The following ADORA1 variants were observed in gnomAD, a reference collection of about 807,000 sequenced individuals.
The protein encoded by ADORA1 is adenosine A1 receptor, also known as adenosine receptor A1.
ADORA1 carries 6 observed loss-of-function variants against 19.9 expected under a neutral mutation model. The observed-to-expected ratio is 0.30, with a 90% CI of 0.17 to 0.59. ADORA1 has a LOEUF of 0.59. ADORA1 is among the 20% of genes least tolerant of loss of function. ADORA1 has a pLI of 0.87. For synonymous variants in ADORA1, 194 were observed against 188.4 expected (o/e 1.03, Z -0.24); for missense variants, 302 against 439.2 (o/e 0.69, Z 2.79).
chr1:203,142,590 G>A (rs1403562087), intron 3 of ADORA1, among the ~76,000 whole-genome samples: 1 of 152,192 alleles, frequency 6.6e-6, no homozygotes, highest in Non-Finnish European at 1.5e-5. Context: ...GCACAGAGGG[G>A]TGAATGGGAT....
At chr1:203,154,528 G>A (rs781111283) in intron 3 of ADORA1, among the ~76,000 whole-genome samples, 9 of 152,162 alleles carry the variant, frequency 5.9e-5, no homozygotes, top group Non-Finnish European at 8.8e-5. Flanking sequence ...CGGTGATCCC[G>A]GAGCCCAGGG....
chr1:203,148,822 A>G (rs1242608360), intron 3 of ADORA1, among the ~76,000 whole-genome samples: 1 of 151,582 alleles, frequency 6.6e-6, no homozygotes, highest in East Asian at 1.9e-4. Flanking sequence ...GCTGCAGTGC[A>G]TGTCCTACCC....
At chr1:203,134,522 C>T (rs1258476266) in intron 3 of ADORA1, among the ~76,000 whole-genome samples, 3 of 152,186 alleles carry the variant, frequency 2.0e-5, no homozygotes, top group African/African-American at 7.2e-5. Context: ...CAGCTGGCAT[C>T]GGGTGGCTTC....
intron 3 of ADORA1, among the ~76,000 whole-genome samples, chr1:203,131,703 C>T (rs1009514253): frequency 6.6e-6 from 1 of 152,194 alleles, no homozygotes; most frequent in African/African-American, 2.4e-5. Context: ...TGGGGCCTCA[C>T]TTCTCAAGCA....
chr1:203,143,030 A>T (rs1654744556), intron 3 of ADORA1, among the ~76,000 whole-genome samples: 1 of 152,200 alleles, frequency 6.6e-6, no homozygotes, highest in African/African-American at 2.4e-5. Context: ...TGATGCAAAC[A>T]ACATTCAGAG....
rs1237225623 is a variant in ADORA1 at position 203,165,651 on chromosome 1, C to T, written c.732C>T (p.Ala244=). 1 of 1,610,046 alleles carries T rather than the reference C, an allele frequency of 6.2e-7. No homozygotes were observed. Among genetic ancestry groups the T allele is most frequent in the Non-Finnish European group, 8.5e-7 (1 of 1,176,992 alleles). Residue 244 remains alanine, a synonymous_variant, in exon 4 of 4, where the codon GCC becomes GCT. Transcript: ENST00000337894. The surrounding 1 kb of genome is among the most constrained non-coding windows in gnomAD (Gnocchi z 5.9). Reference sequence around the variant, plus strand: ...TGGCCCTCATCCTCTTCCTCTTTGCCCTCAGCTGGCTGCCTTTGCACATCC... The same window carrying T: ...TGGCCCTCATCCTCTTCCTCTTTGCTCTCAGCTGGCTGCCTTTGCACATCC... The part of the protein sequence containing the change: ...KSLALILFLF[A]LSWLPLHILN...
intron 3 of ADORA1, among the ~76,000 whole-genome samples, chr1:203,156,214 T>C (rs1328951214): frequency 2.0e-5 from 3 of 151,782 alleles, no homozygotes; most frequent in African/African-American, 7.3e-5. Context: ...GATAGATAGA[T>C]AGTTAGATAG....
chr1:203,152,466 C>T (rs549073555), intron 3 of ADORA1: 1 of 152,488 alleles, frequency 6.6e-6, no homozygotes, highest in East Asian at 1.9e-4. Flanking sequence ...CCATGGCGGA[C>T]CTTTCCACTT....
At chr1:203,135,438 C>A (rs1287594688) in intron 3 of ADORA1, among the ~76,000 whole-genome samples, 1 of 152,088 alleles carries the variant, frequency 6.6e-6, no homozygotes, top group Non-Finnish European at 1.5e-5. Flanking sequence ...GCAGGCAGAT[C>A]ATTTGAGGTC....
chr1:203,154,274 G>T (rs1376374976), intron 3 of ADORA1, among the ~76,000 whole-genome samples: 1 of 152,176 alleles, frequency 6.6e-6, no homozygotes, highest in Admixed American at 6.5e-5. Context: ...TGGCTCACTC[G>T]TACCTATACC....
rs1363600045 is a variant in ADORA1, at chr1:203,166,237, A to ACCTGGGCTGG, written c.*337_*338insCCTGGGCTGG. The ACCTGGGCTGG allele has an allele frequency of 6.0e-5, 14 of 233,308 alleles. No individual in the cohort carries two copies. The highest frequency in any genetic ancestry group is 3.1e-4 in the African/African-American group (14 of 44,484). The allele number at this position is 233,308 out of a possible 1,614,324, so 14.5% of individuals were successfully genotyped here. On this transcript the variant is annotated 3_prime_UTR_variant, in exon 4 of 4. Transcript: ENST00000337894. ...CAGGTCCTGGGGAGGCTGAGACTGCAGAGGAGCCACCTGGGCTGGGAGAAG... is the reference window on the plus strand; with the variant it reads ...CAGGTCCTGGGGAGGCTGAGACTGCACCTGGGCTGGGAGGAGCCACCTGGGCTGGGAGAAG...
At chr1:203,140,292 A>G (rs896333451) in intron 3 of ADORA1, among the ~76,000 whole-genome samples, 1 of 152,038 alleles carries the variant, frequency 6.6e-6, no homozygotes, top group African/African-American at 2.4e-5. Flanking sequence ...GGCTGTGGAG[A>G]TGGACAGAAC....
chr1:203,159,013 CATTGGGG>C (rs1655283494), intron 3 of ADORA1, among the ~76,000 whole-genome samples: 2 of 152,216 alleles, frequency 1.3e-5, no homozygotes, highest in African/African-American at 4.8e-5. Context: ...AACATTGTTG[CATTGGGG>C]ATTAAGTTTC....
intron 3 of ADORA1, among the ~76,000 whole-genome samples, chr1:203,131,954 G>C (rs1270697994): frequency 6.6e-6 from 1 of 152,202 alleles, no homozygotes; most frequent in Admixed American, 6.5e-5. Context: ...CTGGTGAGGC[G>C]TGTCTGGGGC....
intron 3 of ADORA1, among the ~76,000 whole-genome samples, chr1:203,138,854 T>C (rs968793219): frequency 4.6e-5 from 7 of 152,214 alleles, no homozygotes; most frequent in Non-Finnish European, 1.0e-4. Flanking sequence ...AGTCTCACTC[T>C]GTCACCCAGG....
At chr1:203,159,137 C>T (rs1655286632) in intron 3 of ADORA1, among the ~76,000 whole-genome samples, 1 of 152,220 alleles carries the variant, frequency 6.6e-6, no homozygotes, top group Non-Finnish European at 1.5e-5. Flanking sequence ...ATATGCTTCT[C>T]CTCAATTCCC....
chr1:203,145,569 TTGGGCTTTGGA>T (rs1407705972), intron 3 of ADORA1, among the ~76,000 whole-genome samples: 1 of 152,248 alleles, frequency 6.6e-6, no homozygotes, highest in Non-Finnish European at 1.5e-5. Flanking sequence ...ACAACACAGC[TTGGGCTTTGGA>T]GTCTGGCTGG....
chr1:203,134,009 CT>C (rs1654425799), intron 3 of ADORA1, among the ~76,000 whole-genome samples: 1 of 152,164 alleles, frequency 6.6e-6, no homozygotes, highest in Admixed American at 6.5e-5. Flanking sequence ...ATGCCTTCTG[CT>C]TTCAGAGAGG....
chr1:203,158,049 C>A (rs766296912), intron 3 of ADORA1, among the ~76,000 whole-genome samples: 1 of 152,204 alleles, frequency 6.6e-6, no homozygotes, highest in Non-Finnish European at 1.5e-5. Context: ...TTGGCCACAT[C>A]CTTAGTATTC....
Sources: allele counts gnomAD v4.1 joint callset (sites outside exome capture counted in the v4.1 genomes callset), GRCh38; gene constraint gnomAD v4.1.1; non-coding constraint Gnocchi (gnomAD v3.1); transcripts MANE v1.5; gene names NCBI Gene and HGNC (gene_info 2026-07-23, HGNC 2026-07-21).